ADGRL2: variants seen among roughly 807,000 people sequenced by gnomAD.
ADGRL2 encodes the protein adhesion G protein-coupled receptor L2.
A neutral mutation model predicts 157.4 loss-of-function variants in ADGRL2; 44 were observed. The ratio of observed to expected loss-of-function variants is 0.28; its 90% CI spans 0.22 to 0.36. The LOEUF (loss-of-function observed/expected upper bound fraction) is 0.36, where lower values mean the gene tolerates loss of function less well. Among genes scored for constraint, ADGRL2 ranks in the 10% least tolerant of loss-of-function variants. ADGRL2 has a pLI of 1.00. For synonymous variants in ADGRL2, 585 were observed against 624.7 expected (o/e 0.94, Z 0.95); for missense variants, 1,510 against 1,768.9 (o/e 0.85, Z 2.63).
intron 2 of ADGRL2, among the ~76,000 whole-genome samples, chr1:81,452,202 A>G (rs903000030): frequency 6.6e-6 from 1 of 152,152 alleles, no homozygotes; most frequent in African/African-American, 2.4e-5. Flanking sequence ...CATTTAGCTC[A>G]TTGGGAAAGA....
chr1:81,864,829 A>G (rs187692964), intron 2 of ADGRL2, among the ~76,000 whole-genome samples: 1 of 152,138 alleles, frequency 6.6e-6, no homozygotes, highest in East Asian at 1.9e-4. Context: ...ACAAACAAAA[A>G]ACAAAAATTA....
At chr1:81,745,831 C>T (rs957273323) in intron 1 of ADGRL2, among the ~76,000 whole-genome samples, 6 of 151,960 alleles carry the variant, frequency 3.9e-5, no homozygotes, top group Admixed American at 2.6e-4. Flanking sequence ...ATTTGCCATC[C>T]AGGGGGTAGT....
At chr1:81,725,686 A>G (rs1056217361) in intron 1 of ADGRL2, among the ~76,000 whole-genome samples, 8 of 152,242 alleles carry the variant, frequency 5.3e-5, no homozygotes, top group African/African-American at 1.9e-4. Context: ...TGATTTATTT[A>G]ACTGAATTAT....
intron 2 of ADGRL2, among the ~76,000 whole-genome samples, chr1:81,452,856 G>T (rs2077727503): frequency 6.6e-6 from 1 of 152,156 alleles, no homozygotes; most frequent in African/African-American, 2.4e-5. Context: ...GAACAGGGAA[G>T]AGAGTGTTGA....
At chr1:81,502,048 A>G in intron 2 of ADGRL2, 1 of 1,602,788 alleles carries the variant, frequency 6.2e-7, no homozygotes, top group Non-Finnish European at 8.5e-7. Context: ...ACATGAACTC[A>G]GAGCCTGAGG....
intron 3 of ADGRL2, among the ~76,000 whole-genome samples, chr1:81,684,484 G>T (rs533969442): frequency 1.3e-5 from 2 of 152,022 alleles, no homozygotes; most frequent in Admixed American, 1.3e-4. Context: ...GGGATGGTTT[G>T]TTTTTCTCTT....
chr1:81,489,247 T>A (rs2078578636), intron 2 of ADGRL2, among the ~76,000 whole-genome samples: 3 of 143,168 alleles, frequency 2.1e-5, no homozygotes, highest in South Asian at 2.2e-4. Context: ...AAAAAAAAAA[T>A]TAATAATAAA....
chr1:81,736,625 C>A (rs1002575293), intron 1 of ADGRL2, among the ~76,000 whole-genome samples: 1 of 152,052 alleles, frequency 6.6e-6, no homozygotes, highest in Non-Finnish European at 1.5e-5. Context: ...CCCTTAGATC[C>A]AGATCTCTAT....
intron 1 of ADGRL2, among the ~76,000 whole-genome samples, chr1:81,395,408 T>C (rs192844600): frequency 1.1e-4 from 16 of 152,300 alleles, no homozygotes; most frequent in Non-Finnish European, 2.1e-4. Flanking sequence ...GTTTTTGCTA[T>C]TTAGTTGTTC....
chr1:81,480,704 G>C (rs1278287187), intron 2 of ADGRL2, among the ~76,000 whole-genome samples: 1 of 152,000 alleles, frequency 6.6e-6, no homozygotes, highest in Non-Finnish European at 1.5e-5. Context: ...AGTGGTTTTT[G>C]AAAACTCATT....
At chr1:81,871,269 C>T (rs1269737554) in intron 2 of ADGRL2, among the ~76,000 whole-genome samples, 1 of 151,888 alleles carries the variant, frequency 6.6e-6, no homozygotes, top group African/African-American at 2.4e-5. Context: ...TGAACTCATC[C>T]TTTTTTATGG....
chr1:81,925,737 A>G (rs750350798), intron 3 of ADGRL2, among the ~76,000 whole-genome samples: 75 of 151,956 alleles, frequency 4.9e-4, no homozygotes, highest in Non-Finnish European at 8.1e-4. Context: ...TTCTGTCGGC[A>G]TTTGTTGCCA....
At chr1:81,317,375 G>A (rs1660177019) in intron 1 of ADGRL2, among the ~76,000 whole-genome samples, 1 of 152,020 alleles carries the variant, frequency 6.6e-6, no homozygotes, top group African/African-American at 2.4e-5. Flanking sequence ...GAACTCTCCA[G>A]GCACTCATCA....
In ADGRL2 at chr1:81,969,237, T is replaced by C. The variant is rs751898561; in HGVS notation, c.2583T>C (p.Ile861=). 2 of 1,614,110 alleles carry C rather than the reference T, an allele frequency of 1.2e-6. No individual in the cohort carries two copies. Among genetic ancestry groups the C allele is most frequent in the East Asian group, 4.5e-5 (2 of 44,868 alleles). ...TCATCACCTGGGTGGGAATTGTCAT[T>C]TCCCTTGTTTGCCTGGCTATCTGCA... is the stretch of plus-strand genomic sequence containing the variant. The part of the protein sequence containing the change: ...LTVITWVGIV[I]SLVCLAICIF... Residue 861 remains isoleucine (I), a synonymous_variant, in exon 15 of 24, where the codon ATT becomes ATC. Coordinates refer to ENST00000686636, the MANE Select transcript of ADGRL2 (RefSeq NM_001366006.2).
In ADGRL2 at chr1:81,837,064, TC is replaced by T; in HGVS notation, c.73+9del. The T allele has an allele frequency of 6.4e-7, 1 of 1,554,644 alleles. No individual in the cohort carries two copies. Among genetic ancestry groups the T allele is most frequent in the Non-Finnish European group, 8.7e-7 (1 of 1,146,352 alleles). On this transcript the variant is annotated splice_region_variant and intron_variant, in intron 2 of 23. Transcript: ENST00000686636. ...TTCTTACCAAATACAGAAGGTAAGA[TC>T]CAGTTTACATTTTGTTTTTTAAATC...
intron 2 of ADGRL2, among the ~76,000 whole-genome samples, chr1:81,469,302 C>T (rs2078122188): frequency 6.6e-6 from 1 of 152,166 alleles, no homozygotes; most frequent in South Asian, 2.1e-4. Context: ...CTCTCCTATA[C>T]ATGGTTTTTT....
intron 3 of ADGRL2, among the ~76,000 whole-genome samples, chr1:81,680,714 T>A (rs1290232947): frequency 6.6e-6 from 1 of 152,110 alleles, no homozygotes; most frequent in African/African-American, 2.4e-5. Context: ...GAAAAAAAAT[T>A]TTTTTTAAAT....
chr1:81,322,646 A>G (rs1281769470), intron 1 of ADGRL2, among the ~76,000 whole-genome samples: 2 of 152,128 alleles, frequency 1.3e-5, no homozygotes, highest in Admixed American at 6.5e-5. Flanking sequence ...ATTAGATCAC[A>G]TCTGGCATAT....
intron 3 of ADGRL2, among the ~76,000 whole-genome samples, chr1:81,594,702 A>T (rs577008011): frequency 6.6e-6 from 1 of 152,230 alleles, no homozygotes; most frequent in Non-Finnish European, 1.5e-5. Flanking sequence ...ACAATGTAAA[A>T]ATCCATTTAA....
Sources: gnomAD v4.1 joint callset for allele counts (sites outside exome capture counted in the v4.1 genomes callset) on GRCh38, gnomAD v4.1.1 for gene constraint, MANE v1.5 for transcripts, NCBI Gene and HGNC (gene_info 2026-07-23, HGNC 2026-07-21) for gene names.